Variants in SDC4 observed in about 807,000 individuals in gnomAD.
SDC4 encodes syndecan-4.
SDC4 carries 17 observed loss-of-function variants against 20.5 expected under a neutral mutation model. The observed-to-expected ratio is 0.83, with a 90% confidence interval of 0.57 to 1.25. The LOEUF (loss-of-function observed/expected upper bound fraction) is 1.25, where lower values mean the gene tolerates loss of function less well. Ranked by LOEUF, SDC4 falls within the 50% of genes most tolerant of loss-of-function variation. The probability of loss-of-function intolerance (pLI) is 0.00; values close to 1 mark genes in which losing one functional copy is unlikely to be tolerated. For synonymous variants in SDC4, 107 were observed against 105.3 expected (o/e 1.02, Z -0.10); for missense variants, 241 against 252.3 (o/e 0.96, Z 0.30).
intron 4 of SDC4, among the ~76,000 whole-genome samples, chr20:45,329,095 C>T (rs535560478): frequency 6.6e-6 from 1 of 152,192 alleles, no homozygotes; most frequent in Non-Finnish European, 1.5e-5. Flanking sequence ...CAATCAGGGG[C>T]ACAGGAATCA....
intron 3 of SDC4, among the ~76,000 whole-genome samples, chr20:45,331,877 G>A: frequency 6.6e-6 from 1 of 152,132 alleles, no homozygotes; most frequent in Non-Finnish European, 1.5e-5. Flanking sequence ...ATAAAAATGG[G>A]CAACCAGCAG....
At chr20:45,343,540 C>A (rs1321359980) in intron 1 of SDC4, among the ~76,000 whole-genome samples, 1 of 152,178 alleles carries the variant, frequency 6.6e-6, no homozygotes, top group Non-Finnish European at 1.5e-5. Flanking sequence ...GGTGGGGCTG[C>A]CCAGAACTGG....
chr20:45,331,691 C>T (rs1378102190), intron 3 of SDC4, among the ~76,000 whole-genome samples: 1 of 152,194 alleles, frequency 6.6e-6, no homozygotes, highest in Non-Finnish European at 1.5e-5. Flanking sequence ...CATTAGCATG[C>T]TAAGAGACAC....
In SDC4 at chr20:45,335,824, G is replaced by A. The variant is rs2145712073; in HGVS notation, c.157C>T (p.Gln53Ter). The A allele has an allele frequency of 6.2e-7, 1 of 1,613,976 alleles. No homozygotes were observed. Among genetic ancestry groups the A allele is most frequent in the Non-Finnish European group, 8.5e-7 (1 of 1,179,984 alleles). Residue 53 changes from glutamine (Q) to a stop codon, truncating the protein, a stop_gained, in exon 2 of 5, where the codon CAG becomes TAG. Coordinates refer to ENST00000372733, the MANE Select transcript of SDC4 (RefSeq NM_002999.4). LOFTEE classifies it high-confidence loss of function. ...GACAGCTCAAAGTCATCAGATTCCT[G>A]CCCGGGCCCCACTACATCCTCATCG... ...PDDEDVVGPG[Q>*]ESDDFELSGS...
At chr20:45,342,753 G>A (rs1413244029) in intron 1 of SDC4, among the ~76,000 whole-genome samples, 1 of 152,206 alleles carries the variant, frequency 6.6e-6, no homozygotes, top group Non-Finnish European at 1.5e-5. Context: ...GAACTGCTGA[G>A]ATCAGAGTGA....
intron 1 of SDC4, among the ~76,000 whole-genome samples, 190 bp downstream of exon 1, chr20:45,348,135 G>T (rs374329540): frequency 2.6e-5 from 2 of 75,878 alleles, no homozygotes; most frequent in South Asian, 1.1e-3. Flanking sequence ...CGCACGGCGC[G>T]TGAAGCCATC....
chr20:45,329,222 T>C (rs1987740191), intron 4 of SDC4, among the ~76,000 whole-genome samples: 1 of 152,226 alleles, frequency 6.6e-6, no homozygotes, highest in South Asian at 2.1e-4. Context: ...CTTAGGCTTG[T>C]ATAATTCTCA....
Position 45,335,844 on chromosome 20 carries a change from T to G in SDC4, c.137A>C (p.Glu46Ala). Residue 46 changes from glutamate to alanine, a missense_variant, in exon 2 of 5, where the codon GAG (glutamate) becomes GCG (alanine). Transcript: ENST00000372733. ...TTCCTGCCCGGGCCCCACTACATCC[T>G]CATCGTCTGGTAGGGCTCCGGAGAA... ...RYFSGALPDD[E>A]DVVGPGQESD... is the part of the protein sequence containing the mutation. 7 of 1,613,936 alleles carry G rather than the reference T, an allele frequency of 4.3e-6. No homozygotes were observed. Among genetic ancestry groups the G allele is most frequent in the Non-Finnish European group, 5.9e-6 (7 of 1,179,990 alleles).
At position 45,333,027 on chromosome 20, in the gene SDC4, G is replaced by A; in HGVS notation, c.242C>T (p.Pro81Leu). The A allele has an allele frequency of 1.2e-6, 2 of 1,614,138 alleles. No individual in the cohort carries two copies. Among genetic ancestry groups the A allele is most frequent in the Non-Finnish European group, 1.7e-6 (2 of 1,179,974 alleles). Residue 81 changes from proline (P) to leucine (L), a missense_variant, in exon 3 of 5, where the codon CCC becomes CTC. By Grantham distance (98) the Pro-to-Leu change is moderately conservative (BLOSUM62 -3). Coordinates refer to ENST00000372733, the MANE Select transcript of SDC4 (RefSeq NM_002999.4). ...DSMIGPEVVH[P>L]LVPLDNHIPE... is the part of the protein sequence containing the mutation. Reference sequence around the variant, plus strand: ...CAGAAGCATGTAGCTACTTACCAAGGGATGGACAACTTCAGGGCCGATCAT... The same window carrying A: ...CAGAAGCATGTAGCTACTTACCAAGAGATGGACAACTTCAGGGCCGATCAT...
chr20:45,337,047 C>T (rs1987881403), intron 1 of SDC4, among the ~76,000 whole-genome samples: 1 of 152,090 alleles, frequency 6.6e-6, no homozygotes, highest in Non-Finnish European at 1.5e-5. Context: ...CCACTCCCAC[C>T]AAACCGCTTG....
intron 1 of SDC4, among the ~76,000 whole-genome samples, chr20:45,341,526 C>T (rs918896893): frequency 1.3e-5 from 2 of 152,300 alleles, no homozygotes; most frequent in East Asian, 1.9e-4. Flanking sequence ...TGAAATTCTA[C>T]TTGGGGACCT....
rs1303322454 is a variant in SDC4 at position 45,325,878 on chromosome 20, T to G, written c.*1386A>C. On this transcript the variant is annotated 3_prime_UTR_variant, in exon 5 of 5. Transcript: ENST00000372733. ...AGCCGCATGTGGTTACTGTATTGGA[T>G]AGCACAGCCCTAGAGCCTGAAGAAA... 6.6e-6 allele frequency: 1 copy of G among 152,570 alleles called. No homozygotes were observed. Among genetic ancestry groups the G allele is most frequent in the African/African-American group, 2.4e-5 (1 of 41,406 alleles). 9.5% of individuals were successfully genotyped at this position (152,570 alleles called of 1,614,324 possible).
chr20:45,341,935 T>A (rs1193555176), intron 1 of SDC4, among the ~76,000 whole-genome samples: 1 of 152,146 alleles, frequency 6.6e-6, no homozygotes, highest in Non-Finnish European at 1.5e-5. Context: ...AGTTTTCCAA[T>A]CTGTAAAAGA....
intron 1 of SDC4, among the ~76,000 whole-genome samples, chr20:45,338,179 G>C (rs1414771457): frequency 2.0e-5 from 3 of 152,132 alleles, no homozygotes; most frequent in Admixed American, 1.3e-4. Context: ...TGCAGAGATG[G>C]AAACAAGGGC....
chr20:45,327,323 A>G lies in SDC4; in HGVS notation c.538T>C (p.Tyr180His). Residue 180 changes from tyrosine (Y) to histidine (H), a missense_variant, in exon 5 of 5, where the codon TAT becomes CAT. Coordinates refer to ENST00000372733, the MANE Select transcript of SDC4 (RefSeq NM_002999.4). The part of the protein sequence containing the change: ...YRMKKKDEGS[Y>H]DLGKKPIYKK... ...TAGATGGGTTTCTTGCCCAGGTCAT[A>G]GCTGCCTTCATCCTTCTTCTTCATA... 2.5e-6 allele frequency: 4 copies of G among 1,614,202 alleles called. No individual in the cohort carries two copies. Among genetic ancestry groups the G allele is most frequent in the Non-Finnish European group, 3.4e-6 (4 of 1,180,032 alleles).
intron 1 of SDC4, 149 bp downstream of exon 1, chr20:45,348,176 G>T: frequency 1.2e-6 from 1 of 810,560 alleles, no homozygotes; most frequent in Non-Finnish European, 2.0e-6. Context: ...CCGGAGCAAA[G>T]TTTCCAACAA....
intron 3 of SDC4, among the ~76,000 whole-genome samples, chr20:45,331,392 A>G (rs957029780): frequency 6.6e-6 from 1 of 152,120 alleles, no homozygotes; most frequent in Non-Finnish European, 1.5e-5. Flanking sequence ...AACCCTTAGG[A>G]TTAAGGGTTT....
intron 4 of SDC4, among the ~76,000 whole-genome samples, chr20:45,329,595 A>G (rs1987745076): frequency 6.6e-6 from 1 of 152,128 alleles, no homozygotes. Context: ...CTCTGTCCCT[A>G]TAGCTCAAGC....
chr20:45,347,942 C>T (rs1348845508), intron 1 of SDC4, among the ~76,000 whole-genome samples: 2 of 152,084 alleles, frequency 1.3e-5, no homozygotes, highest in South Asian at 4.1e-4. Context: ...GATCCTAAAG[C>T]TGTCTGCTCT....
Sources: allele counts gnomAD v4.1 joint callset (sites outside exome capture counted in the v4.1 genomes callset), GRCh38; gene constraint gnomAD v4.1.1; transcripts MANE v1.5; gene names NCBI Gene and HGNC (gene_info 2026-07-23, HGNC 2026-07-21).